Variants in ARCN1 observed in about 807,000 individuals in gnomAD.
ARCN1 encodes archain 1 coat protein complex I subunit delta.
In ARCN1, 5 loss-of-function variants were observed where a neutral mutation model predicts 60.4. The ratio of observed to expected loss-of-function variants is 0.08; its 90% CI spans 0.04 to 0.17. The LOEUF (loss-of-function observed/expected upper bound fraction) is 0.17, where lower values mean the gene tolerates loss of function less well. ARCN1 is among the 10% of genes least tolerant of loss of function. ARCN1 has a pLI of 1.00. For synonymous variants in ARCN1, 224 were observed against 220.0 expected (o/e 1.02, Z -0.16); for missense variants, 464 against 626.5 (o/e 0.74, Z 2.77).
chr11:118,573,624 C>T, intron 1 of ARCN1: 1 of 698,188 alleles, frequency 1.4e-6, no homozygotes, highest in Non-Finnish European at 2.6e-6. Flanking sequence ...CAATAGATAA[C>T]TTGATTTAAA....
intron 9 of ARCN1, among the ~76,000 whole-genome samples, chr11:118,598,194 T>A (rs900072808): frequency 3.3e-5 from 5 of 152,110 alleles, no homozygotes; most frequent in Admixed American, 6.5e-5. Flanking sequence ...AACACTTAGT[T>A]GCCTGTTTTT....
At chr11:118,593,995 C>G (rs1340898564) in intron 8 of ARCN1, 5 of 229,156 alleles carry the variant, frequency 2.2e-5, no homozygotes, top group Non-Finnish European at 4.3e-5. Context: ...CTTGTGTTTG[C>G]TTTGGCAGCA....
chr11:118,576,444 A>C lies in ARCN1; in HGVS notation c.3+3894A>C, dbSNP rs868969080. On this transcript the variant is annotated intron_variant, in intron 1 of 9. Coordinates refer to ENST00000264028, the MANE Select transcript of ARCN1 (RefSeq NM_001655.5). ...AAAATGTTAAAAAAAAAAAAAAAAAAAAAAACCAAAAACTTTGTAATCATA... is the reference window on the plus strand; with the variant it reads ...AAAATGTTAAAAAAAAAAAAAAAAACAAAAACCAAAAACTTTGTAATCATA... Among the ~76,000 whole-genome samples, 991 of 148,344 alleles carry C rather than the reference A, an allele frequency of 6.7e-3. 9 individuals are homozygous for C. The highest frequency in any genetic ancestry group is 0.023 in the African/African-American group (938 of 40,928).
chr11:118,584,184 T>C (rs1204539181), intron 4 of ARCN1, among the ~76,000 whole-genome samples, 170 bp downstream of exon 4: 4 of 152,248 alleles, frequency 2.6e-5, no homozygotes, highest in Non-Finnish European at 5.9e-5. Context: ...AATCTGAATG[T>C]GGTGTTTTTC....
intron 6 of ARCN1, among the ~76,000 whole-genome samples, chr11:118,591,300 C>T (rs1388242743): frequency 6.6e-6 from 1 of 152,178 alleles, no homozygotes; most frequent in African/African-American, 2.4e-5. Flanking sequence ...CCGTAGTCAG[C>T]ACAGAATTGT....
At chr11:118,577,368 TC>T (rs2135533972) in intron 1 of ARCN1, among the ~76,000 whole-genome samples, 1 of 152,020 alleles carries the variant, frequency 6.6e-6, no homozygotes, top group Admixed American at 6.6e-5. Context: ...CACCTCACTC[TC>T]CCCGTAGCTG....
chr11:118,593,908 T>C (rs1197274974), intron 8 of ARCN1: 2 of 392,676 alleles, frequency 5.1e-6, no homozygotes, highest in African/African-American at 4.1e-5. Context: ...TGAATAAAAA[T>C]GAGGAGGTAG....
At position 118,583,990 on chromosome 11, in the gene ARCN1, C is replaced by T; in HGVS notation, c.629C>T (p.Pro210Leu). The T allele has an allele frequency of 6.2e-7, 1 of 1,614,168 alleles. No individual in the cohort carries two copies. The highest frequency in any genetic ancestry group is 8.5e-7 in the Non-Finnish European group (1 of 1,180,044). ...ITETIIETDK[P>L]KVAPAPARPS... ...GAGACCATCATTGAAACTGATAAAC[C>T]AAAAGTGGCACCTGCACCAGCCAGG... The change falls in exon 4 of 10, where the codon CCA (proline) becomes CTA (leucine). Residue 210 changes from proline (P) to leucine (L), a missense_variant. This residue lies in a region of ARCN1 where 359 missense variants were observed against 440.2 expected (regional missense o/e 0.82). Transcript: ENST00000264028.
chr11:118,573,811 C>T (rs973438170), intron 1 of ARCN1: 3 of 485,914 alleles, frequency 6.2e-6, no homozygotes, highest in East Asian at 3.3e-5. Flanking sequence ...AACAGGTTTG[C>T]CTCCTAAAAT....
intron 2 of ARCN1, among the ~76,000 whole-genome samples, chr11:118,582,691 A>C (rs1432850948): frequency 6.8e-6 from 1 of 146,058 alleles, no homozygotes. Context: ...GTGCCACTGC[A>C]CTCCAGACCG....
chr11:118,598,441 T>A (rs1939076772), intron 9 of ARCN1, among the ~76,000 whole-genome samples: 1 of 151,822 alleles, frequency 6.6e-6, no homozygotes, highest in African/African-American at 2.4e-5. Context: ...GCAAACTCTG[T>A]CCTTTAGGTA....
chr11:118,592,772 G>A lies in ARCN1; in HGVS notation c.1048G>A (p.Glu350Lys). The A allele has an allele frequency of 6.2e-7, 1 of 1,614,042 alleles. No homozygotes were observed. The highest frequency in any genetic ancestry group is 1.1e-5 in the South Asian group (1 of 91,080). ...AESLIGLKNP[E>K]KSFPVNSDVG... ...GTCTCTAATTGGCCTGAAGAATCCAGAGAAGTCATTTCCAGTCAACAGTGA... is the reference window on the plus strand; with the variant it reads ...GTCTCTAATTGGCCTGAAGAATCCAAAGAAGTCATTTCCAGTCAACAGTGA... The change falls in exon 7 of 10, where the codon GAG becomes AAG. Residue 350 changes from glutamate to lysine, a missense_variant. Glu to Lys is a moderately conservative substitution (Grantham distance 56). Transcript: ENST00000264028.
intron 6 of ARCN1, among the ~76,000 whole-genome samples, chr11:118,592,097 T>C (rs1938925981): frequency 6.6e-6 from 1 of 152,084 alleles, no homozygotes; most frequent in South Asian, 2.1e-4. Context: ...CAGCTAACTT[T>C]TGTATTTTTA....
intron 9 of ARCN1, among the ~76,000 whole-genome samples, chr11:118,598,579 C>A (rs1371819534): frequency 6.6e-6 from 1 of 150,932 alleles, no homozygotes; most frequent in Admixed American, 6.6e-5. Context: ...ACCGCAACCT[C>A]CGCCTCCCAG....
intron 9 of ARCN1, among the ~76,000 whole-genome samples, chr11:118,599,683 G>A (rs567526571): frequency 6.6e-6 from 1 of 152,312 alleles, no homozygotes; most frequent in African/African-American, 2.4e-5. Flanking sequence ...GCCCACCTCG[G>A]CTTCCCAAAG....
intron 9 of ARCN1, among the ~76,000 whole-genome samples, chr11:118,598,397 T>C (rs1939075411): frequency 6.6e-6 from 1 of 152,172 alleles, no homozygotes; most frequent in Non-Finnish European, 1.5e-5. Context: ...ACAGCTCCCT[T>C]TATTAGTACA....
In ARCN1 at chr11:118,580,440, AC is replaced by A. The variant is rs538835056; in HGVS notation, c.4-805del. On this transcript the variant is annotated intron_variant, in intron 1 of 9. Coordinates refer to ENST00000264028, the MANE Select transcript of ARCN1 (RefSeq NM_001655.5). ...AGTTTGAAGATAAGATGTATCCCAG[AC>A]AATTATTTTAGTTCAATATAAAGTC... 1.2e-4 allele frequency among the ~76,000 whole-genome samples: 19 copies of A among 152,346 alleles called. No individual in the cohort carries two copies. The East Asian group carries it at 2.7e-3, about 22-fold the overall frequency.
At position 118,572,987 on chromosome 11, in the gene ARCN1, C is replaced by T. The variant is rs1037909143; in HGVS notation, c.3+437C>T. The T allele has an allele frequency of 1.6e-5, 3 of 191,870 alleles. No homozygotes were observed. The East Asian group carries it at 3.9e-4, about 25-fold the overall frequency. 11.9% of individuals were successfully genotyped at this position (191,870 alleles called of 1,614,324 possible). A position where few individuals can be genotyped will look rare whatever the true frequency, so the allele number is the denominator to read the frequency against. On this transcript the variant is annotated intron_variant, in intron 1 of 9. Transcript: ENST00000264028. ...CTGTTAATCAGAGCTTGTCTCCCACCCCCGGTGTTTGCTAGGCCGTTGATA... is the reference window on the plus strand; with the variant it reads ...CTGTTAATCAGAGCTTGTCTCCCACTCCCGGTGTTTGCTAGGCCGTTGATA...
chr11:118,572,691 T>C (rs1555072669), intron 1 of ARCN1, 141 bp downstream of exon 1: 3 of 972,944 alleles, frequency 3.1e-6, no homozygotes, highest in African/African-American at 1.6e-5. Context: ...CGGGGAGCAG[T>C]GTGGCCTCCT....
Sources: gnomAD v4.1 joint callset for allele counts (sites outside exome capture counted in the v4.1 genomes callset) on GRCh38, gnomAD v4.1.1 for gene constraint, gnomAD v4.1.1 regional missense constraint, MANE v1.5 for transcripts, NCBI Gene and HGNC (gene_info 2026-07-23, HGNC 2026-07-21) for gene names.